Variants in ZNF646 observed in about 807,000 individuals in gnomAD.
ZNF646 encodes the protein zinc finger protein 646.
A neutral mutation model predicts 115.4 loss-of-function variants in ZNF646; 49 were observed. The observed-to-expected ratio is 0.42, with a 90% CI of 0.34 to 0.54. The LOEUF is 0.54. Ranked by LOEUF, ZNF646 falls within the 20% of genes least tolerant of loss-of-function variation. ZNF646 has a pLI of 0.04. For missense variants in ZNF646, 2,269 were observed against 2,457.9 expected (o/e 0.92, Z 1.62); for synonymous variants, 933 against 939.0 (o/e 0.99, Z 0.12).
Position 31,078,952 on chromosome 16 carries a change from C to T in ZNF646, c.2628C>T (p.Thr876=). 1.2e-6 allele frequency: 2 copies of T among 1,612,114 alleles called. No individual in the cohort carries two copies. The highest frequency in any genetic ancestry group is 8.5e-7 in the Non-Finnish European group (1 of 1,179,470). ...AGAACCATAGGCCTGGGGAGGCGAC[C>T]TCAGCACAGCCTTTCCTCTGCTGCC... ...HFQNHRPGEA[T]SAQPFLCCLC... Residue 876 remains threonine, a synonymous_variant, in exon 2 of 3, where the codon ACC becomes ACT. Coordinates refer to ENST00000300850, the MANE Select transcript of ZNF646 (RefSeq NM_014699.4).
At chr16:31,074,819 T>C (rs1300202805) in intron 1 of ZNF646, 188 bp downstream of exon 1, 1 of 151,764 alleles carries the variant, frequency 6.6e-6, no homozygotes, top group Non-Finnish European at 1.5e-5. Context: ...AAAGGGGCTT[T>C]GTGAGGTGAG....
rs369194268 is a variant in ZNF646, at chr16:31,079,771, C to G, written c.3447C>G (p.Val1149=). 11 of 1,613,320 alleles carry G rather than the reference C, an allele frequency of 6.8e-6. No homozygotes were observed. The highest frequency in any genetic ancestry group is 6.6e-5 in the South Asian group (6 of 91,060). The change falls in exon 2 of 3, where the codon GTC becomes GTG. Residue 1149 remains valine, a synonymous_variant. Coordinates refer to ENST00000300850, the MANE Select transcript of ZNF646 (RefSeq NM_014699.4). The surrounding 1 kb of genome is among the most constrained non-coding windows in gnomAD (Gnocchi z 5.5). ...MAEEGPGQAE[V]EKLQEELKVE... The stretch of plus-strand genomic sequence containing the variant: ...AGGAGGGGCCGGGGCAAGCAGAAGT[C>G]GAGAAGCTCCAGGAAGAACTTAAAG...
At position 31,078,897 on chromosome 16, in the gene ZNF646, A is replaced by G. The variant is rs1423590755; in HGVS notation, c.2573A>G (p.Asp858Gly). The G allele has an allele frequency of 6.2e-7, 1 of 1,613,680 alleles. No homozygotes were observed. The highest frequency in any genetic ancestry group is 1.7e-5 in the Admixed American group (1 of 60,016). The change falls in exon 2 of 3, where the codon GAC becomes GGC. Residue 858 changes from aspartate (D) to glycine (G), a missense_variant. By Grantham distance (94) the Asp-to-Gly change is moderately conservative (BLOSUM62 -1). Transcript: ENST00000300850. ...YQCSLCPKEFDSLPALRSHFQ... is the reference protein window; with the variant it reads ...YQCSLCPKEFGSLPALRSHFQ... Reference sequence around the variant, plus strand: ...TGCTCCCTCTGCCCGAAGGAGTTTGACTCTCTGCCTGCCCTCCGCAGCCAC... The same window carrying G: ...TGCTCCCTCTGCCCGAAGGAGTTTGGCTCTCTGCCTGCCCTCCGCAGCCAC...
At position 31,080,334 on chromosome 16, in the gene ZNF646, A is replaced by G. The variant is rs1443412187; in HGVS notation, c.4010A>G (p.Asn1337Ser). 6.2e-7 allele frequency: 1 copy of G among 1,613,528 alleles called. No individual in the cohort carries two copies. Among genetic ancestry groups the G allele is most frequent in the Non-Finnish European group, 8.5e-7 (1 of 1,179,902 alleles). ...CCCACCTGCCCCAAGACCTACTCCA[A>G]CCGCATGGCCCTGAAGGACCACCAG... ...SCPTCPKTYS[N>S]RMALKDHQRL... The change falls in exon 2 of 3, where the codon AAC becomes AGC. Residue 1337 changes from asparagine (N) to serine (S), a missense_variant. Physicochemically the swap from Asn to Ser is conservative, Grantham distance 46 (BLOSUM62 1). Around this residue, in one of 5 missense-constraint regions of ZNF646, gnomAD observed 1,062 missense variants for 1,172.8 expected, o/e 0.91. Coordinates refer to ENST00000300850, the MANE Select transcript of ZNF646 (RefSeq NM_014699.4).
Position 31,079,068 on chromosome 16 carries a change from A to T in ZNF646, c.2744A>T (p.Glu915Val), listed in dbSNP as rs1158494589. 1 of 1,575,454 alleles carries T rather than the reference A, an allele frequency of 6.3e-7. No homozygotes were observed. The highest frequency in any genetic ancestry group is 1.3e-5 in the African/African-American group (1 of 74,320). Residue 915 changes from glutamate (E) to valine (V), a missense_variant, in exon 2 of 3, where the codon GAG becomes GTG. Physicochemically the swap from Glu to Val is moderately radical, Grantham distance 121. Transcript: ENST00000300850. This position sits in a 1 kb window ranked among gnomAD's most constrained non-coding sequence, Gnocchi z 5.5. ...TCTGGCATGACTGAGGGCTCAGAGG[A>T]GGAGGGGGAAGAGGAAGGAGTGGCA... Reference protein sequence around the residue: ...SSSGMTEGSEEEGEEEGVAEA... With the variant: ...SSSGMTEGSEVEGEEEGVAEA...
Position 31,080,976 on chromosome 16 carries a change from CCAA to C in ZNF646, c.4656_4658del (p.Asn1552del), listed in dbSNP as rs2057150316. The C allele has an allele frequency of 3.1e-6, 5 of 1,614,006 alleles. No individual in the cohort carries two copies. The African/African-American group carries it at 5.3e-5, about 17-fold the overall frequency. Reference sequence around the variant, plus strand: ...TCAGGCAGCCTCTTGAACCACAACACCAACAAGACAGACCGACACTATTGCCTG... The same window carrying C: ...TCAGGCAGCCTCTTGAACCACAACACCAAGACAGACCGACACTATTGCCTG... On this transcript the variant is annotated inframe_deletion, in exon 2 of 3. Coordinates refer to ENST00000300850, the MANE Select transcript of ZNF646 (RefSeq NM_014699.4).
At chr16:31,074,102 T>C (rs966290005), upstream of ZNF646, 1 of 152,194 alleles carries the variant, frequency 6.6e-6, no homozygotes, top group Non-Finnish European at 1.5e-5. Flanking sequence ...CCATCTGCCT[T>C]GGGAAAAGTC....
At position 31,083,512 on chromosome 16, in the gene ZNF646, A is replaced by G. The variant is rs2057192925; in HGVS notation, c.*420A>G. The G allele has an allele frequency of 2.2e-6, 3 of 1,342,250 alleles. No individual in the cohort carries two copies. Among genetic ancestry groups the G allele is most frequent in the Non-Finnish European group, 1.9e-6 (2 of 1,043,448 alleles). 83.1% of individuals were successfully genotyped at this position (1,342,250 alleles called of 1,614,324 possible). A position where few individuals can be genotyped will look rare whatever the true frequency, so the allele number is the denominator to read the frequency against. On this transcript the variant is annotated 3_prime_UTR_variant, in exon 3 of 3. Transcript: ENST00000300850. ...CCCAAAAAAAGAAATTTTCAAAACAACGTGGCTGGCGTGATTGTATCTGAA... is the reference window on the plus strand; with the variant it reads ...CCCAAAAAAAGAAATTTTCAAAACAGCGTGGCTGGCGTGATTGTATCTGAA...
In ZNF646 at chr16:31,079,060, C is replaced by T. The variant is rs1420684089; in HGVS notation, c.2736C>T (p.Gly912=). The change falls in exon 2 of 3, where the codon GGC becomes GGT. Residue 912 remains glycine (G), a synonymous_variant. Coordinates refer to ENST00000300850, the MANE Select transcript of ZNF646 (RefSeq NM_014699.4). This position sits in a 1 kb window ranked among gnomAD's most constrained non-coding sequence, Gnocchi z 5.5. ...ACAGCTCCTCTGGCATGACTGAGGG[C>T]TCAGAGGAGGAGGGGGAAGAGGAAG... ...QAHSSSGMTE[G]SEEEGEEEGV... The T allele has an allele frequency of 6.3e-7, 1 of 1,577,706 alleles. No individual in the cohort carries two copies. Among genetic ancestry groups the T allele is most frequent in the Non-Finnish European group, 8.6e-7 (1 of 1,159,160 alleles).
chr16:31,075,165 A>G (rs2057060916), intron 1 of ZNF646, among the ~76,000 whole-genome samples: 1 of 152,214 alleles, frequency 6.6e-6, no homozygotes, highest in Non-Finnish European at 1.5e-5. Flanking sequence ...GGTGAGGGTA[A>G]GATCAGGAGG....
rs765482974 is a variant in ZNF646 at position 31,076,853 on chromosome 16, C to A, written c.529C>A (p.His177Asn). The change falls in exon 2 of 3, where the codon CAC becomes AAC. Residue 177 changes from histidine (H) to asparagine (N), a missense_variant. By Grantham distance (68) the His-to-Asn change is moderately conservative. Transcript: ENST00000300850. The stretch of plus-strand genomic sequence containing the variant: ...CAGACAAAGAGAAGGCTTGGCAAGC[C>A]ACCCAGGTCCTGAGGATGGTGCAGA... ...PTRQREGLASHPGPEDGADGW... is the reference protein window; with the variant it reads ...PTRQREGLASNPGPEDGADGW... 2.5e-6 allele frequency: 4 copies of A among 1,614,058 alleles called. No homozygotes were observed. In the African/African-American group the frequency reaches 4.0e-5, roughly 16 times the overall value.
rs1265445586 is a variant in ZNF646, at chr16:31,080,719, G to C, written c.4395G>C (p.Trp1465Cys). Residue 1465 changes from tryptophan (W) to cysteine (C), a missense_variant, in exon 2 of 3, where the codon TGG (tryptophan) becomes TGC (cysteine). Around this residue, in one of 5 missense-constraint regions of ZNF646, gnomAD observed 1,062 missense variants for 1,172.8 expected, o/e 0.91. Coordinates refer to ENST00000300850, the MANE Select transcript of ZNF646 (RefSeq NM_014699.4). Reference protein sequence around the residue: ...LSWGAGKAGGWPVGGGLGNHS... With the variant: ...LSWGAGKAGGCPVGGGLGNHS... The stretch of plus-strand genomic sequence containing the variant: ...GGGGTGCAGGGAAGGCAGGTGGGTG[G>C]CCGGTAGGTGGGGGACTGGGGAATC... 6.2e-7 allele frequency: 1 copy of C among 1,613,666 alleles called. No individual in the cohort carries two copies. Among genetic ancestry groups the C allele is most frequent in the South Asian group, 1.1e-5 (1 of 91,084 alleles).
In ZNF646 at chr16:31,084,184, C is replaced by T; in HGVS notation, c.*1092C>T. 6.2e-7 allele frequency: 1 copy of T among 1,609,154 alleles called. No individual in the cohort carries two copies. Among genetic ancestry groups the T allele is most frequent in the South Asian group, 1.1e-5 (1 of 89,992 alleles). On this transcript the variant is annotated 3_prime_UTR_variant, in exon 3 of 3. Coordinates refer to ENST00000300850, the MANE Select transcript of ZNF646 (RefSeq NM_014699.4). Reference sequence around the variant, plus strand: ...TGGTTCCTCGGCGAAGTAGACCTGCCAGTCCAAACTGCTGACCCAGTCCTC... The same window carrying T: ...TGGTTCCTCGGCGAAGTAGACCTGCTAGTCCAAACTGCTGACCCAGTCCTC...
intron 2 of ZNF646, chr16:31,082,644 C>T (rs542841742): frequency 1.7e-5 from 6 of 356,076 alleles, no homozygotes; most frequent in East Asian, 8.3e-5. Flanking sequence ...CTAGTAGAGG[C>T]GGACCCATTC....
At position 31,079,463 on chromosome 16, in the gene ZNF646, G is replaced by GCTCAGC. The variant is rs769274836; in HGVS notation, c.3141_3146dup (p.Gln1048_Pro1049dup). ...CCAGGGTGGGGAAAGTTTGTTGGAG[G>GCTCAGC]CTCAGCCCCGCCCCTTCCGCTGCAA... is the stretch of plus-strand genomic sequence containing the variant. On this transcript the variant is annotated inframe_insertion, in exon 2 of 3. Coordinates refer to ENST00000300850, the MANE Select transcript of ZNF646 (RefSeq NM_014699.4). This position sits in a 1 kb window ranked among gnomAD's most constrained non-coding sequence, Gnocchi z 5.5. The GCTCAGC allele has an allele frequency of 1.1e-4, 175 of 1,613,466 alleles. No individual in the cohort carries two copies. The highest frequency in any genetic ancestry group is 1.4e-4 in the Non-Finnish European group (167 of 1,179,920).
chr16:31,076,765 A>G lies in ZNF646; in HGVS notation c.441A>G (p.Thr147=), dbSNP rs1016495074. Residue 147 remains threonine, a synonymous_variant, in exon 2 of 3, where the codon ACA becomes ACG. Coordinates refer to ENST00000300850, the MANE Select transcript of ZNF646 (RefSeq NM_014699.4). ...WENQTKHTEE[T]PDCESVPDPR... ...ACCAGACAAAACATACAGAAGAGAC[A>G]CCTGACTGTGAATCTGTACCTGACC... is the stretch of plus-strand genomic sequence containing the variant. The G allele has an allele frequency of 6.2e-7, 1 of 1,613,724 alleles. No homozygotes were observed. Among genetic ancestry groups the G allele is most frequent in the African/African-American group, 1.3e-5 (1 of 74,922 alleles).
Position 31,080,457 on chromosome 16 carries a change from C to A in ZNF646, c.4133C>A (p.Ser1378Tyr). The change falls in exon 2 of 3, where the codon TCT becomes TAT. Residue 1378 changes from serine (S) to tyrosine (Y), a missense_variant. Ser to Tyr is a moderately radical substitution (Grantham distance 144, BLOSUM62 -2). Coordinates refer to ENST00000300850, the MANE Select transcript of ZNF646 (RefSeq NM_014699.4). ...GGCCGCAGCTTCCCTGGCCGGGGAT[C>A]TTTGGAGCGGCACCTGCGGGAGCAT... is the stretch of plus-strand genomic sequence containing the variant. Reference protein sequence around the residue: ...LCGRSFPGRGSLERHLREHEE... With the variant: ...LCGRSFPGRGYLERHLREHEE... 6.2e-7 allele frequency: 1 copy of A among 1,613,420 alleles called. No homozygotes were observed. The highest frequency in any genetic ancestry group is 8.5e-7 in the Non-Finnish European group (1 of 1,179,968).
chr16:31,082,979 G>GT lies in ZNF646; in HGVS notation c.5387dup (p.Ala1797GlyfsTer57). On this transcript the variant is annotated frameshift_variant, in exon 3 of 3. Transcript: ENST00000300850. LOFTEE classifies it high-confidence loss of function. Reference sequence around the variant, plus strand: ...TCTCTCTCTCCCCCCAGGAGCCCCAGTGGCACCAGTGACGGGCAGAGGGGA... The same window carrying GT: ...TCTCTCTCTCCCCCCAGGAGCCCCAGTTGGCACCAGTGACGGGCAGAGGGGA... 1.9e-6 allele frequency: 3 copies of GT among 1,596,006 alleles called. No individual in the cohort carries two copies. Among genetic ancestry groups the GT allele is most frequent in the Non-Finnish European group, 2.6e-6 (3 of 1,170,806 alleles).
rs746130834 is a variant in ZNF646, at chr16:31,079,906, G to A, written c.3582G>A (p.Gln1194=). The A allele has an allele frequency of 1.9e-6, 3 of 1,611,978 alleles. No homozygotes were observed. The African/African-American group carries it at 4.0e-5, about 22-fold the overall frequency. The part of the protein sequence containing the change: ...PRLETAEKGC[Q]TEASSERPFS... ...TGGAGACTGCCGAGAAGGGCTGCCA[G>A]ACTGAAGCCAGCTCTGAGCGGCCCT... The change falls in exon 2 of 3, where the codon CAG becomes CAA. Residue 1194 remains glutamine (Q), a synonymous_variant. Coordinates refer to ENST00000300850, the MANE Select transcript of ZNF646 (RefSeq NM_014699.4). The surrounding 1 kb of genome is among the most constrained non-coding windows in gnomAD (Gnocchi z 5.5).
Sources: allele counts gnomAD v4.1 joint callset (sites outside exome capture counted in the v4.1 genomes callset), GRCh38; gene constraint gnomAD v4.1.1; regional missense constraint gnomAD v4.1.1; non-coding constraint Gnocchi (gnomAD v3.1); transcripts MANE v1.5; gene names NCBI Gene and HGNC (gene_info 2026-07-23, HGNC 2026-07-21).